DIP2C: variants seen among roughly 807,000 people sequenced by gnomAD.
DIP2C encodes the protein DIP2 acetate--CoA ligase C (putative).
In DIP2C, 33 loss-of-function variants were observed where a neutral mutation model predicts 192.4. The observed-to-expected ratio is 0.17, with a 90% CI of 0.13 to 0.23. The LOEUF is 0.23. DIP2C is among the 10% of genes least tolerant of loss of function. The probability of loss-of-function intolerance (pLI) is 1.00; values close to 1 mark genes in which losing one functional copy is unlikely to be tolerated. For synonymous variants in DIP2C, 979 were observed against 864.1 expected (o/e 1.13, Z -2.33); for missense variants, 1,537 against 2,110.1 (o/e 0.73, Z 5.32).
intron 18 of DIP2C, among the ~76,000 whole-genome samples, chr10:368,168 G>T (rs4989997): frequency 0.43 from 12,426 of 28,982 alleles, 3,581 homozygotes; most frequent in Non-Finnish European, 0.5. Context: ...GAAGCCCGCG[G>T]TTGCTCTCAC....
At chr10:382,625 G>A (rs374887683) in intron 17 of DIP2C, 22 bp downstream of exon 17, 38 of 1,580,658 alleles carry the variant, frequency 2.4e-5, no homozygotes, top group Middle Eastern at 1.7e-4. Flanking sequence ...GGTTATCTAC[G>A]TAAATCAACA....
chr10:587,411 G>A (rs751716879), intron 1 of DIP2C, among the ~76,000 whole-genome samples: 1 of 152,200 alleles, frequency 6.6e-6, no homozygotes, highest in Non-Finnish European at 1.5e-5. Flanking sequence ...GTCAGCACAC[G>A]GATTGCTGGG....
chr10:358,951 G>T (rs1047157825), intron 22 of DIP2C, among the ~76,000 whole-genome samples: 1 of 151,944 alleles, frequency 6.6e-6, no homozygotes, highest in Non-Finnish European at 1.5e-5. Context: ...TTGGTTTGAA[G>T]GCTACTATTA....
intron 1 of DIP2C, among the ~76,000 whole-genome samples, chr10:539,397 T>C (rs1484819531): frequency 6.6e-6 from 1 of 152,226 alleles, no homozygotes; most frequent in East Asian, 1.9e-4. Context: ...GGCAAGTACA[T>C]GGTATAGGTG....
intron 3 of DIP2C, among the ~76,000 whole-genome samples, chr10:452,796 T>C (rs942790225): frequency 2.6e-5 from 4 of 152,150 alleles, no homozygotes; most frequent in Admixed American, 1.3e-4. Context: ...AGGCCGCATG[T>C]CCACTGGCCA....
intron 3 of DIP2C, among the ~76,000 whole-genome samples, chr10:447,600 C>CA (rs1968370659): frequency 1.4e-5 from 2 of 143,302 alleles, no homozygotes; most frequent in Admixed American, 6.8e-5. Context: ...CACAGTGGGG[C>CA]AGCAGGACCC....
chr10:489,787 C>G (rs1844300530), intron 1 of DIP2C, among the ~76,000 whole-genome samples: 1 of 123,114 alleles, frequency 8.1e-6, no homozygotes, highest in Non-Finnish European at 1.7e-5. Flanking sequence ...CCACTTCACA[C>G]TAGGGACACG....
chr10:633,466 T>C (rs1396647636), intron 1 of DIP2C, among the ~76,000 whole-genome samples: 4 of 151,072 alleles, frequency 2.6e-5, no homozygotes, highest in Admixed American at 2.6e-4. Context: ...TGCCGTAGAG[T>C]GGATGGGGAG....
At chr10:326,752 G>T (rs1957288296) in intron 31 of DIP2C, among the ~76,000 whole-genome samples, 1 of 152,188 alleles carries the variant, frequency 6.6e-6, no homozygotes, top group African/African-American at 2.4e-5. Flanking sequence ...TGGACAAACT[G>T]CTACCCCTGT....
chr10:393,810 A>C (rs1963706240), intron 10 of DIP2C, among the ~76,000 whole-genome samples: 2 of 149,586 alleles, frequency 1.3e-5, no homozygotes, highest in East Asian at 3.9e-4. Context: ...AAAAAAAGAA[A>C]AAGAAAAAGG....
intron 1 of DIP2C, among the ~76,000 whole-genome samples, chr10:564,090 T>C (rs552082435): frequency 2.0e-4 from 30 of 152,152 alleles, no homozygotes; most frequent in African/African-American, 7.2e-4. Context: ...ACTAATCAGG[T>C]AAAAAATATG....
At chr10:640,665 G>C (rs1479550995) in intron 1 of DIP2C, among the ~76,000 whole-genome samples, 2 of 142,236 alleles carry the variant, frequency 1.4e-5, no homozygotes, top group Non-Finnish European at 3.0e-5. Context: ...AAGAGGGTGC[G>C]CGCGGGGATG....
rs538366143 is a variant in DIP2C, at chr10:335,322, T to C, written c.3585-5721A>G. Among the ~76,000 whole-genome samples, 3 of 152,348 alleles carry C rather than the reference T, an allele frequency of 2.0e-5. No homozygotes were observed. In the South Asian group the frequency reaches 6.2e-4, roughly 32 times the overall value. ...GGTGAATCACTGACCTGATGCGTAATCCCAGACACTTCAGGGGGGATTTCC... is the reference window on the plus strand; with the variant it reads ...GGTGAATCACTGACCTGATGCGTAACCCCAGACACTTCAGGGGGGATTTCC... On this transcript the variant is annotated intron_variant, in intron 29 of 36. Coordinates refer to ENST00000280886, the MANE Select transcript of DIP2C (RefSeq NM_014974.3).
chr10:495,394 CT>C (rs757644951), intron 1 of DIP2C, among the ~76,000 whole-genome samples: 6 of 152,146 alleles, frequency 3.9e-5, no homozygotes, highest in African/African-American at 4.8e-5. Flanking sequence ...AATGGATCTT[CT>C]GTATTCTCAC....
intron 3 of DIP2C, among the ~76,000 whole-genome samples, chr10:446,178 A>G (rs1968186285): frequency 8.4e-6 from 1 of 119,654 alleles, no homozygotes; most frequent in South Asian, 2.7e-4. Flanking sequence ...CATCTGTTGC[A>G]AAGAGTCTAT....
Position 644,409 on chromosome 10 carries a change from A to G in DIP2C, c.85+45085T>C, listed in dbSNP as rs139023475. 4.8e-3 allele frequency among the ~76,000 whole-genome samples: 728 copies of G among 152,370 alleles called. 7 individuals are homozygous for G. Among genetic ancestry groups the G allele is most frequent in the African/African-American group, 0.016 (673 of 41,596 alleles). ...GCCTACAGCCAACCCTCTGGATAATAGTTGAGACGTATTTTAGAGAAGGAA... is the reference window on the plus strand; with the variant it reads ...GCCTACAGCCAACCCTCTGGATAATGGTTGAGACGTATTTTAGAGAAGGAA... On this transcript the variant is annotated intron_variant, in intron 1 of 36. Transcript: ENST00000280886.
chr10:532,534 AGTATGGGTGTGAGAG>A (rs1395537081), intron 1 of DIP2C, among the ~76,000 whole-genome samples: 1 of 132,518 alleles, frequency 7.5e-6, no homozygotes, highest in African/African-American at 2.7e-5. Context: ...TGTGTGAGAG[AGTATGGGTGTGAGAG>A]AGTATGGGTG....
intron 1 of DIP2C, among the ~76,000 whole-genome samples, chr10:640,235 A>G (rs1240994414): frequency 1.3e-5 from 2 of 150,820 alleles, no homozygotes; most frequent in African/African-American, 2.5e-5. Flanking sequence ...TGCAGGACAC[A>G]CAGACAGGCA....
At chr10:504,054 A>T (rs1318934708) in intron 1 of DIP2C, among the ~76,000 whole-genome samples, 1 of 152,220 alleles carries the variant, frequency 6.6e-6, no homozygotes. Context: ...GTAACCTGAG[A>T]GGATTTCATG....
Sources: gnomAD v4.1 joint callset for allele counts (sites outside exome capture counted in the v4.1 genomes callset) on GRCh38, gnomAD v4.1.1 for gene constraint, MANE v1.5 for transcripts, NCBI Gene and HGNC (gene_info 2026-07-23, HGNC 2026-07-21) for gene names.